USP42: variants seen among roughly 807,000 people sequenced by gnomAD.
USP42 encodes the protein ubiquitin carboxyl-terminal hydrolase 42.
A neutral mutation model predicts 113.0 loss-of-function variants in USP42; 23 were observed. The ratio of observed to expected loss-of-function variants is 0.20; its 90% CI spans 0.15 to 0.29. USP42 has a LOEUF of 0.29. Ranked by LOEUF, USP42 falls within the 10% of genes least tolerant of loss-of-function variation. The pLI, the probability that USP42 is intolerant of heterozygous loss-of-function variation, is 1.00. For synonymous variants in USP42, 933 were observed against 699.0 expected, an observed-to-expected ratio of 1.33 and a Z score of -5.28; for missense variants, 2,174 against 1,779.8, an observed-to-expected ratio of 1.22 and a Z score of -3.99.
the USP42 span, among the ~76,000 whole-genome samples, chr7:6,099,475 A>C: frequency 6.7e-6 from 1 of 149,808 alleles, no homozygotes; most frequent in Middle Eastern, 3.4e-3. Flanking sequence ...CGGCCTCCCA[A>C]AGTGCTGGGA....
the USP42 span, among the ~76,000 whole-genome samples, chr7:6,095,287 G>C: frequency 1.3e-5 from 2 of 151,236 alleles, no homozygotes; most frequent in Non-Finnish European, 2.9e-5. Context: ...GGGTGCTTTA[G>C]AGCTGCGTTA....
intron 3 of USP42, among the ~76,000 whole-genome samples, chr7:6,121,368 G>A (rs1022814334): frequency 8.6e-5 from 13 of 151,786 alleles, no homozygotes; most frequent in Non-Finnish European, 1.5e-4. Context: ...ACTTGGTCAT[G>A]ATGCATTATT....
At chr7:6,090,336 T>TTA in the USP42 span, among the ~76,000 whole-genome samples, 11 of 121,170 alleles carry the variant, frequency 9.1e-5, 1 homozygote, top group African/African-American at 4.1e-4. Context: ...ATATATTTCT[T>TTA]TATATATATA....
chr7:6,154,044 G>C lies in USP42; in HGVS notation c.2490G>C (p.Pro830=). The change falls in exon 15 of 18, where the codon CCG becomes CCC. Residue 830 remains proline (P), a synonymous_variant. Coordinates refer to ENST00000306177, the MANE Select transcript of USP42 (RefSeq NM_032172.3). The stretch of plus-strand genomic sequence containing the variant: ...GGAGCTTAACAGGCGATGCGAGCCC[G>C]TTGTCCCAGGACGCAAAGGGGATGA... ...DPGSLTGDAS[P]LSQDAKGMIA... 2 of 1,605,556 alleles carry C rather than the reference G, an allele frequency of 1.2e-6. No individual in the cohort carries two copies. The highest frequency in any genetic ancestry group is 1.7e-6 in the Non-Finnish European group (2 of 1,179,312).
At position 6,154,978 on chromosome 7, in the gene USP42, G is replaced by A. The variant is rs1782353421; in HGVS notation, c.3424G>A (p.Gly1142Arg). 1.3e-6 allele frequency: 2 copies of A among 1,562,498 alleles called. No individual in the cohort carries two copies. Among genetic ancestry groups the A allele is most frequent in the Non-Finnish European group, 1.7e-6 (2 of 1,153,030 alleles). ...CCACGACAGAACTGCACTTGTAGCC[G>A]GAGACAACTGTAACCTCTCTGATCG... ...FSHDRTALVA[G>R]DNCNLSDRFH... Residue 1142 changes from glycine (G) to arginine (R), a missense_variant, in exon 15 of 18, where the codon GGA becomes AGA. Transcript: ENST00000306177.
chr7:6,091,680 T>TACACACACACACACACACACACACAC, the USP42 span, among the ~76,000 whole-genome samples: 2 of 136,078 alleles, frequency 1.5e-5, no homozygotes, highest in African/African-American at 2.9e-5. Flanking sequence ...TATGTTAGCA[T>TACACACACACACACACACACACACAC]ACACACACAC....
In USP42 at chr7:6,115,453, A is replaced by G; in HGVS notation, c.372A>G (p.Ala124=). 1 of 1,614,086 alleles carries G rather than the reference A, an allele frequency of 6.2e-7. No individual in the cohort carries two copies. The highest frequency in any genetic ancestry group is 8.5e-7 in the Non-Finnish European group (1 of 1,179,902). ...TGGGCAATACCTGTTTTGCCAATGCAGCACTGCAGTGTTTAACCTACACAC... is the reference window on the plus strand; with the variant it reads ...TGGGCAATACCTGTTTTGCCAATGCGGCACTGCAGTGTTTAACCTACACAC... The part of the protein sequence containing the change: ...QNLGNTCFAN[A]ALQCLTYTPP... The change falls in exon 3 of 18, where the codon GCA becomes GCG. Residue 124 remains alanine (A), a synonymous_variant. Coordinates refer to ENST00000306177, the MANE Select transcript of USP42 (RefSeq NM_032172.3).
intron 1 of USP42, among the ~76,000 whole-genome samples, chr7:6,108,830 A>C (rs1381797056): frequency 2.0e-5 from 3 of 152,202 alleles, no homozygotes; most frequent in Non-Finnish European, 4.4e-5. Flanking sequence ...AGAGTTTTTT[A>C]AGGATCAAAT....
At chr7:6,120,055 C>T (rs769893211) in intron 3 of USP42, among the ~76,000 whole-genome samples, 31 of 152,038 alleles carry the variant, frequency 2.0e-4, no homozygotes, top group Non-Finnish European at 3.2e-4. Flanking sequence ...AACCTACGCC[C>T]CCGGGTTCAC....
the USP42 span, among the ~76,000 whole-genome samples, chr7:6,088,115 T>A: frequency 1.5e-4 from 23 of 150,922 alleles, no homozygotes; most frequent in South Asian, 8.3e-4. Context: ...ACCTGGGCAA[T>A]ATAGCAAGAC....
chr7:6,149,668 A>G lies in USP42; in HGVS notation c.1472A>G (p.Asn491Ser), dbSNP rs754564754. 1.2e-5 allele frequency: 20 copies of G among 1,613,866 alleles called. No homozygotes were observed. In the East Asian group the frequency reaches 1.6e-4, roughly 13 times the overall value. The part of the protein sequence containing the change: ...MSSPNGNSSV[N>S]RASPVNASAS... ...AGTCCTAACGGGAATTCCAGTGTCA[A>G]CAGGGCTAGTCCTGTTAATGCTTCA... Residue 491 changes from asparagine to serine, a missense_variant, in exon 13 of 18, where the codon AAC becomes AGC. Physicochemically the swap from Asn to Ser is conservative, Grantham distance 46 (BLOSUM62 1). Coordinates refer to ENST00000306177, the MANE Select transcript of USP42 (RefSeq NM_032172.3).
rs1296668218 is a variant in USP42, at chr7:6,159,851, C to T, written c.*36+358C>T. Among the ~76,000 whole-genome samples the T allele has an allele frequency of 6.6e-6, 1 of 152,176 alleles. No homozygotes were observed. The highest frequency in any genetic ancestry group is 6.5e-5 in the Admixed American group (1 of 15,286). ...GGGAAGGGAGAGGCCCGGTCCCCAG[C>T]ACAGGCACCTCACTCAGGAGAGCGG... On this transcript the variant is annotated intron_variant, in intron 17 of 17. Coordinates refer to ENST00000306177, the MANE Select transcript of USP42 (RefSeq NM_032172.3). This position sits in a 1 kb window ranked among gnomAD's most constrained non-coding sequence, Gnocchi z 4.1.
chr7:6,149,926 A>C lies in USP42; in HGVS notation c.1730A>C (p.Lys577Thr). 2 of 1,614,022 alleles carry C rather than the reference A, an allele frequency of 1.2e-6. No individual in the cohort carries two copies. Among genetic ancestry groups the C allele is most frequent in the Non-Finnish European group, 1.7e-6 (2 of 1,179,902 alleles). ...GCATCTACGATGTCAGTTTCTAGTAAAGTAACAAAACCGATCCCCCGCAGT... is the reference window on the plus strand; with the variant it reads ...GCATCTACGATGTCAGTTTCTAGTACAGTAACAAAACCGATCCCCCGCAGT... ...SNASTMSVSS[K>T]VTKPIPRSES... Residue 577 changes from lysine (K) to threonine (T), a missense_variant, in exon 13 of 18, where the codon AAA becomes ACA. By Grantham distance (78) the Lys-to-Thr change is moderately conservative (BLOSUM62 -1). Transcript: ENST00000306177.
chr7:6,087,171 A>G, the USP42 span, among the ~76,000 whole-genome samples: 1 of 149,708 alleles, frequency 6.7e-6, no homozygotes, highest in African/African-American at 2.5e-5. Context: ...AGCTGGGATA[A>G]CAGGGGTGTG....
At chr7:6,085,237 A>G in the USP42 span, 1 of 150,678 alleles carries the variant, frequency 6.6e-6, no homozygotes. Flanking sequence ...CTCCTGCCTT[A>G]GCCTCCAGAG....
chr7:6,085,113 A>G, the USP42 span: 1 of 149,566 alleles, frequency 6.7e-6, no homozygotes, highest in African/African-American at 2.5e-5. Flanking sequence ...ATTCCTATTT[A>G]TTTATTTATT....
chr7:6,086,961 C>G, the USP42 span, among the ~76,000 whole-genome samples: 1 of 150,134 alleles, frequency 6.7e-6, no homozygotes. Context: ...CTCCTGACTT[C>G]GGGTGATTTG....
chr7:6,111,905 G>A (rs633827), intron 2 of USP42: 6,083 of 152,434 alleles, frequency 0.04, 148 homozygotes, highest in Non-Finnish European at 0.063. Flanking sequence ...GAACCACCAC[G>A]CCAGGCCCTT....
Position 6,153,729 on chromosome 7 carries a change from G to A in USP42, c.2202-27G>A, listed in dbSNP as rs1226971929. 4 of 1,432,190 alleles carry A rather than the reference G, an allele frequency of 2.8e-6. No individual in the cohort carries two copies. In the African/African-American group the frequency reaches 5.9e-5, roughly 21 times the overall value. 88.7% of individuals were successfully genotyped at this position (1,432,190 alleles called of 1,614,324 possible). On this transcript the variant is annotated intron_variant, in intron 14 of 17. Transcript: ENST00000306177. The stretch of plus-strand genomic sequence containing the variant: ...GAGCCTGTCAAGCCCACGCTAACGG[G>A]CGTGTTTGTTTGTTTGGGGGCTGCA...
Sources: allele counts gnomAD v4.1 joint callset (sites outside exome capture counted in the v4.1 genomes callset), GRCh38; gene constraint gnomAD v4.1.1; non-coding constraint Gnocchi (gnomAD v3.1); transcripts MANE v1.5; gene names NCBI Gene and HGNC (gene_info 2026-07-23, HGNC 2026-07-21).